The following RHBDD1 variants were observed in gnomAD, a reference collection of about 807,000 sequenced individuals.
RHBDD1 encodes the protein rhomboid-related protein 4.
A neutral mutation model predicts 36.3 loss-of-function variants in RHBDD1; 38 were observed. That is an observed-to-expected ratio of 1.05 (90% CI 0.81 to 1.37). RHBDD1 has a LOEUF of 1.37. Ranked by LOEUF, RHBDD1 falls within the 40% of genes most tolerant of loss-of-function variation. The pLI is 0.00. For synonymous variants in RHBDD1, 151 were observed against 136.5 expected (o/e 1.11, Z -0.74); for missense variants, 393 against 377.6 (o/e 1.04, Z -0.34).
At chr2:226,856,046 A>G (rs556482706) in intron 3 of RHBDD1, among the ~76,000 whole-genome samples, 1 of 152,322 alleles carries the variant, frequency 6.6e-6, no homozygotes, top group African/African-American at 2.4e-5. Context: ...TCAAATAATT[A>G]TGCTGTCTAA....
At chr2:226,879,846 C>T (rs1209917132) in intron 5 of RHBDD1, among the ~76,000 whole-genome samples, 1 of 152,132 alleles carries the variant, frequency 6.6e-6, no homozygotes, top group Non-Finnish European at 1.5e-5. Context: ...ATAAGGACTG[C>T]AGAAGGAATT....
At chr2:226,831,031 A>G (rs927844774), upstream of RHBDD1, among the ~76,000 whole-genome samples, 3 of 152,212 alleles carry the variant, frequency 2.0e-5, no homozygotes, top group Admixed American at 6.5e-5. Context: ...ACATATTGCC[A>G]TATTTGGTTT....
chr2:226,947,173 T>C (rs1484817591), intron 8 of RHBDD1, among the ~76,000 whole-genome samples: 1 of 151,662 alleles, frequency 6.6e-6, no homozygotes, highest in East Asian at 1.9e-4. Flanking sequence ...ATGAAGTCCT[T>C]GCCCATGCCT....
intron 8 of RHBDD1, among the ~76,000 whole-genome samples, chr2:226,958,646 A>G (rs1951952853): frequency 6.6e-6 from 1 of 151,312 alleles, no homozygotes; most frequent in Non-Finnish European, 1.5e-5. Context: ...GAAAAACTGA[A>G]GTTTACTATA....
chr2:226,933,722 T>C (rs1323074206), intron 8 of RHBDD1, among the ~76,000 whole-genome samples: 3 of 152,112 alleles, frequency 2.0e-5, no homozygotes, highest in Non-Finnish European at 4.4e-5. Flanking sequence ...AAAAACAAGT[T>C]AATTTAAGGA....
intron 8 of RHBDD1, chr2:226,914,559 G>T: frequency 2.5e-6 from 1 of 400,532 alleles, no homozygotes; most frequent in Non-Finnish European, 4.4e-6. Flanking sequence ...GACTGTGTAT[G>T]TATTGTTAAA....
At chr2:226,815,412 A>T in the RHBDD1 span, among the ~76,000 whole-genome samples, 1 of 152,200 alleles carries the variant, frequency 6.6e-6, no homozygotes, top group Non-Finnish European at 1.5e-5. Context: ...CTTTTTATGT[A>T]GTTTGGAGAT....
chr2:226,818,231 C>G, the RHBDD1 span, among the ~76,000 whole-genome samples: 1 of 146,036 alleles, frequency 6.8e-6, no homozygotes, highest in African/African-American at 2.5e-5. Flanking sequence ...GCGGTCTCAG[C>G]TCACTGCAAC....
chr2:226,869,640 G>T (rs1000989982), intron 5 of RHBDD1, among the ~76,000 whole-genome samples: 1 of 152,204 alleles, frequency 6.6e-6, no homozygotes, highest in African/African-American at 2.4e-5. Flanking sequence ...CCCAGTTACA[G>T]AGTTTTATGA....
At chr2:226,855,838 GTTTTTA>G (rs1943269616) in intron 3 of RHBDD1, among the ~76,000 whole-genome samples, 1 of 152,130 alleles carries the variant, frequency 6.6e-6, no homozygotes, top group Admixed American at 6.5e-5. Flanking sequence ...TTTGATTCCA[GTTTTTA>G]TTTTATATGC....
intron 8 of RHBDD1, among the ~76,000 whole-genome samples, chr2:226,922,290 T>C (rs1284440378): frequency 2.0e-5 from 3 of 146,844 alleles, no homozygotes; most frequent in Non-Finnish European, 3.0e-5. Flanking sequence ...TCACTGTAAG[T>C]TCCACCTCCC....
chr2:226,860,278 T>C (rs1240236788), intron 3 of RHBDD1, among the ~76,000 whole-genome samples: 1 of 151,928 alleles, frequency 6.6e-6, no homozygotes, highest in Non-Finnish European at 1.5e-5. Flanking sequence ...GACTGGCCTT[T>C]CTTGAACTCT....
intron 3 of RHBDD1, among the ~76,000 whole-genome samples, chr2:226,847,838 G>A (rs150794713): frequency 6.6e-6 from 1 of 152,240 alleles, no homozygotes; most frequent in East Asian, 1.9e-4. Flanking sequence ...AGCAGTTTTC[G>A]CCTCTCTGTG....
At chr2:226,865,528 A>G (rs1399749625) in intron 4 of RHBDD1, among the ~76,000 whole-genome samples, 2 of 152,024 alleles carry the variant, frequency 1.3e-5, no homozygotes, top group African/African-American at 2.4e-5. Flanking sequence ...GACAGAGCAC[A>G]CTCATCTGCA....
chr2:226,863,901 A>G (rs1944084346), intron 3 of RHBDD1, among the ~76,000 whole-genome samples: 1 of 152,068 alleles, frequency 6.6e-6, no homozygotes, highest in Non-Finnish European at 1.5e-5. Flanking sequence ...TCACCACCTC[A>G]GGCTGTGTTG....
In RHBDD1 at chr2:226,998,768, A is replaced by G. The variant is rs1169924789; in HGVS notation, c.*3246A>G. ...CCACTCAGCATCTCAAATACCTTTC[A>G]TTGGCTCTCTGCTGCCAAAGGATAA... On this transcript the variant is annotated 3_prime_UTR_variant, in exon 9 of 9. Transcript: ENST00000392062. The G allele has an allele frequency of 2.0e-5, 3 of 152,244 alleles. No homozygotes were observed. Among genetic ancestry groups the G allele is most frequent in the East Asian group, 1.9e-4 (1 of 5,178 alleles). The allele number at this position is 152,244 out of a possible 1,614,324, so 9.4% of individuals were successfully genotyped here. A position where few individuals can be genotyped will look rare whatever the true frequency, so the allele number is the denominator to read the frequency against.
chr2:226,922,220 T>C (rs1478412649), intron 8 of RHBDD1, among the ~76,000 whole-genome samples: 1 of 144,060 alleles, frequency 6.9e-6, no homozygotes, highest in Non-Finnish European at 1.5e-5. Context: ...TTTTTTTTTT[T>C]TTTTTGAGAC....
chr2:226,897,763 G>C (rs1024382752), intron 5 of RHBDD1, among the ~76,000 whole-genome samples: 3 of 152,124 alleles, frequency 2.0e-5, no homozygotes, highest in Non-Finnish European at 2.9e-5. Flanking sequence ...CTGAGGTCAG[G>C]AGTTCGAGAC....
At chr2:226,935,438 A>G (rs1345479127) in intron 8 of RHBDD1, 1 of 152,132 alleles carries the variant, frequency 6.6e-6, no homozygotes, top group African/African-American at 2.4e-5. Flanking sequence ...ATGTAAAAGT[A>G]ACATTTATTT....
Sources: allele counts gnomAD v4.1 joint callset (sites outside exome capture counted in the v4.1 genomes callset), GRCh38; gene constraint gnomAD v4.1.1; transcripts MANE v1.5; gene names NCBI Gene and HGNC (gene_info 2026-07-23, HGNC 2026-07-21).